Variants in DNASE1L1 observed in about 807,000 individuals in gnomAD.
DNASE1L1 encodes deoxyribonuclease 1 like 1, also known as deoxyribonuclease-1-like 1.
DNASE1L1 carries 8 observed loss-of-function variants against 18.6 expected under a neutral mutation model. The observed-to-expected ratio is 0.43, with a 90% CI of 0.25 to 0.78. DNASE1L1 has a LOEUF of 0.78. Among genes scored for constraint, DNASE1L1 ranks in the 30% least tolerant of loss-of-function variants. The pLI, the probability that DNASE1L1 is intolerant of heterozygous loss-of-function variation, is 0.23. For synonymous variants in DNASE1L1, 114 were observed against 114.2 expected (o/e 1.00, Z 0.01); for missense variants, 214 against 258.2 (o/e 0.83, Z 1.17).
At chrX:154,404,147 C>CTTTTTTTT (rs35330789) in intron 4 of DNASE1L1, among the ~76,000 whole-genome samples, 12 of 65,283 alleles carry the variant, frequency 1.8e-4, no homozygotes, top group African/African-American at 2.7e-4. Context: ...TGATGTCATT[C>CTTTTTTTT]TTTTTTTTTT....
chrX:154,403,007 G>A lies in DNASE1L1; in HGVS notation c.709C>T (p.Arg237Trp), dbSNP rs782023962. Residue 237 changes from arginine to tryptophan, a missense_variant, in exon 7 of 8, where the codon CGG becomes TGG. Physicochemically the swap from Arg to Trp is moderately radical, Grantham distance 101 (BLOSUM62 -3). Coordinates refer to ENST00000369807, the MANE Select transcript of DNASE1L1 (RefSeq NM_001303620.2). ...GCAGCCGCAGTGTGCAGCAGACTCC[G>A]GCAGCGCTCCCCGTGCAGCACGACG... Reference protein sequence around the residue: ...DRVVLHGERCRSLLHTAAAFD... With the variant: ...DRVVLHGERCWSLLHTAAAFD... 7.6e-5 allele frequency: 92 copies of A among 1,210,230 alleles called. No individual in the cohort carries two copies. The highest frequency in any genetic ancestry group is 2.3e-4 in the Middle Eastern group (1 of 4,346).
At chrX:154,405,323 C>T (rs1285515060) in intron 2 of DNASE1L1, 111 bp downstream of exon 2, 3 of 1,099,369 alleles carry the variant, frequency 2.7e-6, no homozygotes, top group African/African-American at 1.8e-5. Context: ...CATCTCCGTG[C>T]CACACCTCTT....
chrX:154,404,734 T>TG, intron 4 of DNASE1L1, 94 bp downstream of exon 4: 1 of 827,404 alleles, frequency 1.2e-6, no homozygotes, highest in Non-Finnish European at 1.7e-6. Context: ...TGTCCCAGGA[T>TG]GGGGGGCCTG....
At chrX:154,412,046 C>T, upstream of DNASE1L1, 1 of 1,208,006 alleles carries the variant, frequency 8.3e-7, no homozygotes. Flanking sequence ...CCCGACCTAG[C>T]GGGCGAGCCC....
chrX:154,403,065 T>C lies in DNASE1L1; in HGVS notation c.651A>G (p.Thr217=). ...AGGTGCAGTGGGTGCTGGCCCGCAC[T>C]GTGGTGTCCTCCCCATCGGCAATCA... is the stretch of plus-strand genomic sequence containing the variant. ...HWVIADGEDT[T]VRASTHCTYD... The change falls in exon 7 of 8, where the codon ACA becomes ACG. Residue 217 remains threonine, a synonymous_variant. Coordinates refer to ENST00000369807, the MANE Select transcript of DNASE1L1 (RefSeq NM_001303620.2). 2 of 1,211,777 alleles carry C rather than the reference T, an allele frequency of 1.7e-6. No homozygotes were observed. The highest frequency in any genetic ancestry group is 2.2e-6 in the Non-Finnish European group (2 of 895,546).
Position 154,403,307 on chromosome X carries a change from C to T in DNASE1L1, c.487G>A (p.Asp163Asn), listed in dbSNP as rs781814446. 8 of 1,211,378 alleles carry T rather than the reference C, an allele frequency of 6.6e-6. No individual in the cohort carries two copies. The East Asian group carries it at 1.8e-4, about 27-fold the overall frequency. Reference sequence around the variant, plus strand: ...TGCTGGGAGACCTCCAGAAACACATCGTAGAGGGCGTTCAGCTCCTTCTCT... The same window carrying T: ...TGCTGGGAGACCTCCAGAAACACATTGTAGAGGGCGTTCAGCTCCTTCTCT... ...AVEKELNALY[D>N]VFLEVSQHWQ... The change falls in exon 6 of 8, where the codon GAT (aspartate) becomes AAT (asparagine). Residue 163 changes from aspartate to asparagine, a missense_variant. Asp to Asn is a conservative substitution (Grantham distance 23, BLOSUM62 1). Transcript: ENST00000369807.
At chrX:154,404,956 T>C (rs1256020383) in intron 3 of DNASE1L1, 39 bp downstream of exon 3, 2 of 1,203,869 alleles carry the variant, frequency 1.7e-6, no homozygotes, top group Non-Finnish European at 2.2e-6. Context: ...CTCAAGCCTC[T>C]GGGTGTGCCC....
In DNASE1L1 at chrX:154,402,361, C is replaced by T; in HGVS notation, c.*346G>A. On this transcript the variant is annotated 3_prime_UTR_variant, in exon 8 of 8. Coordinates refer to ENST00000369807, the MANE Select transcript of DNASE1L1 (RefSeq NM_001303620.2). ...CTGCTGCACAAGTGTCCTATCTCAC[C>T]AATCTGGGTTTTTGTTCTCAGTAAC... 4.9e-6 allele frequency: 1 copy of T among 204,118 alleles called. No homozygotes were observed. Among genetic ancestry groups the T allele is most frequent in the South Asian group, 1.2e-4 (1 of 8,687 alleles). 16.8% of individuals were successfully genotyped at this position (204,118 alleles called of 1,213,427 possible).
chrX:154,404,841 C>T lies in DNASE1L1; in HGVS notation c.298G>A (p.Val100Met). Reference protein sequence around the residue: ...LGRSTYMETYVYFYRSHKTQV... With the variant: ...LGRSTYMETYMYFYRSHKTQV... ...CTCCGTGCTCACCGATAGAAGTACA[C>T]ATACGTCTCCATGTAGGTGCTGCGC... Residue 100 changes from valine (V) to methionine (M), a missense_variant, in exon 4 of 8, where the codon GTG becomes ATG. Transcript: ENST00000369807. 2 of 1,211,337 alleles carry T rather than the reference C, an allele frequency of 1.7e-6. No homozygotes were observed. The highest frequency in any genetic ancestry group is 1.8e-5 in the South Asian group (1 of 56,933).
intron 1 of DNASE1L1, among the ~76,000 whole-genome samples, chrX:154,407,315 T>G (rs2068176504): frequency 1.1e-5 from 1 of 93,173 alleles, no homozygotes; most frequent in Admixed American, 1.3e-4. Context: ...CTCGGCTTAC[T>G]GCAACCTCAG....
upstream of DNASE1L1, among the ~76,000 whole-genome samples, chrX:154,410,534 C>G (rs1444019260): frequency 9.3e-6 from 1 of 107,979 alleles, no homozygotes; most frequent in African/African-American, 3.4e-5. Flanking sequence ...GCCTGGGCAA[C>G]AGAGCAAGAC....
chrX:154,407,153 C>T (rs2148164282), intron 1 of DNASE1L1, among the ~76,000 whole-genome samples: 1 of 103,861 alleles, frequency 9.6e-6, no homozygotes, highest in Admixed American at 1.1e-4. Flanking sequence ...TTCTATGTTT[C>T]CCAGGCTGGT....
At position 154,409,133 on chromosome X, in the gene DNASE1L1, C is replaced by T. The variant is rs1569552542; in HGVS notation, c.-109G>A. 1 of 342,354 alleles carries T rather than the reference C, an allele frequency of 2.9e-6. No homozygotes were observed. Among genetic ancestry groups the T allele is most frequent in the Non-Finnish European group, 5.9e-6 (1 of 169,938 alleles). The allele number at this position is 342,354 out of a possible 1,213,427, so 28.2% of individuals were successfully genotyped here. A position where few individuals can be genotyped will look rare whatever the true frequency, so the allele number is the denominator to read the frequency against. Reference sequence around the variant, plus strand: ...ATACCTGCTCAGACCAGCTTGTCACCAAGTCTGCCTCATCCTTAAGTGGAT... The same window carrying T: ...ATACCTGCTCAGACCAGCTTGTCACTAAGTCTGCCTCATCCTTAAGTGGAT... On this transcript the variant is annotated 5_prime_UTR_variant, in exon 1 of 8. The change creates a premature stop within an existing upstream ORF in the 5' untranslated region. Coordinates refer to ENST00000369807, the MANE Select transcript of DNASE1L1 (RefSeq NM_001303620.2).
In DNASE1L1 at chrX:154,403,592, G is replaced by A. The variant is rs149986542; in HGVS notation, c.342C>T (p.Tyr114=). 7 of 1,210,310 alleles carry A rather than the reference G, an allele frequency of 5.8e-6. No individual in the cohort carries two copies. Among genetic ancestry groups the A allele is most frequent in the African/African-American group, 5.2e-5 (3 of 57,334 alleles). The change falls in exon 5 of 8, where the codon TAC becomes TAT. Residue 114 remains tyrosine (Y), a synonymous_variant. Transcript: ENST00000369807. ...RSHKTQVLSS[Y]VYNDEDDVFA... ...AGACGTCATCCTCATCGTTGTACACGTAGGAACTCAGGACCTGTGTTTTGT... is the reference window on the plus strand; with the variant it reads ...AGACGTCATCCTCATCGTTGTACACATAGGAACTCAGGACCTGTGTTTTGT...
chrX:154,404,699 A>G (rs1797400136), intron 4 of DNASE1L1, 129 bp downstream of exon 4: 1 of 589,110 alleles, frequency 1.7e-6, no homozygotes, highest in Admixed American at 4.0e-5. Flanking sequence ...TGTTGAGAAG[A>G]GAAAGCATGC....
chrX:154,411,614 G>A, upstream of DNASE1L1: 1 of 454,274 alleles, frequency 2.2e-6, no homozygotes, highest in Non-Finnish European at 4.0e-6. Flanking sequence ...GCGCGCCCAC[G>A]GCCTGTGACC....
intron 4 of DNASE1L1, among the ~76,000 whole-genome samples, chrX:154,404,276 C>A (rs1435287439): frequency 9.2e-6 from 1 of 109,047 alleles, no homozygotes; most frequent in African/African-American, 3.4e-5. Context: ...CTTCAGCCTC[C>A]CAAAGCGTTG....
At position 154,403,190 on chromosome X, in the gene DNASE1L1, C is replaced by T. The variant is rs781811156; in HGVS notation, c.526G>A (p.Asp176Asn). Residue 176 changes from aspartate (D) to asparagine (N), a missense_variant and splice_region_variant, in exon 7 of 8, where the codon GAC becomes AAC. By Grantham distance (23) the Asp-to-Asn change is conservative (BLOSUM62 1). Transcript: ENST00000369807. ...LEVSQHWQSK[D>N]VILLGDFNAD... ...TTGAAGTCCCCAAGCAGGATCACGTCCTAGAGACACAGCAGCCATCAGGCT... is the reference window on the plus strand; with the variant it reads ...TTGAAGTCCCCAAGCAGGATCACGTTCTAGAGACACAGCAGCCATCAGGCT... The T allele has an allele frequency of 8.3e-7, 1 of 1,210,619 alleles. No individual in the cohort carries two copies. The highest frequency in any genetic ancestry group is 2.2e-5 in the Admixed American group (1 of 46,033).
intron 4 of DNASE1L1, among the ~76,000 whole-genome samples, chrX:154,404,100 C>A (rs923548506): frequency 9.2e-6 from 1 of 108,885 alleles, no homozygotes; most frequent in Non-Finnish European, 1.9e-5. Context: ...TAATATTCCA[C>A]GGACTGGGTA....
Sources: allele counts gnomAD v4.1 joint callset (sites outside exome capture counted in the v4.1 genomes callset), GRCh38; gene constraint gnomAD v4.1.1; transcripts MANE v1.5; gene names NCBI Gene and HGNC (gene_info 2026-07-23, HGNC 2026-07-21).